The following PRUNE2 variants were observed in gnomAD, a reference collection of about 807,000 sequenced individuals.
The protein encoded by PRUNE2 is protein prune homolog 2.
PRUNE2 carries 164 observed loss-of-function variants against 252.0 expected under a neutral mutation model. That is an observed-to-expected ratio of 0.65 (90% CI 0.57 to 0.74). The LOEUF is 0.74. PRUNE2 is among the 30% of genes least tolerant of loss of function. The pLI, the probability that PRUNE2 is intolerant of heterozygous loss-of-function variation, is 0.00. For missense variants in PRUNE2, 3,495 were observed against 3,711.0 expected (o/e 0.94, Z 1.51); for synonymous variants, 1,292 against 1,350.2 (o/e 0.96, Z 0.94).
chr9:76,865,639 C>T (rs917463649), intron 1 of PRUNE2, among the ~76,000 whole-genome samples: 1 of 152,152 alleles, frequency 6.6e-6, no homozygotes, highest in Admixed American at 6.6e-5. Context: ...TAATTTTTAA[C>T]TTTCTTGTAA....
At chr9:76,879,563 C>G (rs1043266926) in intron 1 of PRUNE2, among the ~76,000 whole-genome samples, 1 of 151,422 alleles carries the variant, frequency 6.6e-6, no homozygotes, top group South Asian at 2.1e-4. Flanking sequence ...TGTAACATAT[C>G]AAATAGAGAT....
At chr9:76,756,845 G>T (rs2039879) in intron 6 of PRUNE2, among the ~76,000 whole-genome samples, 2 of 103,520 alleles carry the variant, frequency 1.9e-5, no homozygotes, top group Admixed American at 1.2e-4. Flanking sequence ...CACCCTGCCC[G>T]TGCCCTGCCC....
intron 12 of PRUNE2, chr9:76,644,523 G>C: frequency 1.5e-6 from 1 of 657,750 alleles, no homozygotes; most frequent in South Asian, 1.6e-5. Flanking sequence ...TGAAAAGCCC[G>C]TTTTATATTG....
chr9:76,621,868 T>C (rs1022201690), intron 17 of PRUNE2, among the ~76,000 whole-genome samples: 2 of 151,936 alleles, frequency 1.3e-5, no homozygotes, highest in Non-Finnish European at 2.9e-5. Context: ...TTTTTTTTTG[T>C]AGAGATGGAG....
chr9:76,820,133 TCCC>T (rs2057951213), intron 6 of PRUNE2, among the ~76,000 whole-genome samples: 1 of 152,128 alleles, frequency 6.6e-6, no homozygotes, highest in Non-Finnish European at 1.5e-5. Flanking sequence ...AGTTATCTTT[TCCC>T]ACAGTCCCCT....
At chr9:76,670,710 C>G (rs1037698864) in intron 9 of PRUNE2, among the ~76,000 whole-genome samples, 16 of 151,950 alleles carry the variant, frequency 1.1e-4, no homozygotes, top group South Asian at 4.2e-4. Flanking sequence ...GATCTGAGAA[C>G]AGGCAGACTG....
At chr9:76,823,235 T>C (rs1472649312) in intron 6 of PRUNE2, 2 of 154,722 alleles carry the variant, frequency 1.3e-5, no homozygotes, top group Non-Finnish European at 2.9e-5. Flanking sequence ...AAAAGACAAC[T>C]TGCTTTTTTT....
At chr9:76,829,708 A>T (rs1035611760) in intron 4 of PRUNE2, among the ~76,000 whole-genome samples, 2 of 152,058 alleles carry the variant, frequency 1.3e-5, no homozygotes, top group African/African-American at 4.8e-5. Context: ...TGAGGACCGA[A>T]ATCCTGATTT....
Position 76,710,568 on chromosome 9 carries a change from T to C in PRUNE2, c.1706A>G (p.Glu569Gly). 2 of 1,613,916 alleles carry C rather than the reference T, an allele frequency of 1.2e-6. No homozygotes were observed. Among genetic ancestry groups the C allele is most frequent in the Non-Finnish European group, 8.5e-7 (1 of 1,179,844 alleles). The change falls in exon 8 of 19, where the codon GAG (glutamate) becomes GGG (glycine). Residue 569 changes from glutamate (E) to glycine (G), a missense_variant. Coordinates refer to ENST00000376718, the MANE Select transcript of PRUNE2 (RefSeq NM_015225.3). ...GKDSLVEHDE[E>G]FVQRQDSPRD... ...GGGACTGTCTTGTCTCTGGACAAACTCCTCATCATGTTCCACAAGGCTATC... is the reference window on the plus strand; with the variant it reads ...GGGACTGTCTTGTCTCTGGACAAACCCCTCATCATGTTCCACAAGGCTATC...
At chr9:76,835,491 T>C (rs1297697747) in intron 4 of PRUNE2, among the ~76,000 whole-genome samples, 1 of 152,206 alleles carries the variant, frequency 6.6e-6, no homozygotes, top group Non-Finnish European at 1.5e-5. Context: ...CCTACTATTT[T>C]CATAACTTTA....
rs771672059 is a variant in PRUNE2 at position 76,707,497 on chromosome 9, C to T, written c.4777G>A (p.Val1593Ile). The stretch of plus-strand genomic sequence containing the variant: ...TCCTTCACTTTGGTAACTATTTCTA[C>T]TTGGCCATCAGTGGTAATTAGTTCA... Reference protein sequence around the residue: ...ESELITTDGQVEIVTKVKDLE... With the variant: ...ESELITTDGQIEIVTKVKDLE... The change falls in exon 8 of 19, where the codon GTA becomes ATA. Residue 1593 changes from valine to isoleucine, a missense_variant. Val to Ile is a conservative substitution (Grantham distance 29). Transcript: ENST00000376718. 5.0e-6 allele frequency: 8 copies of T among 1,613,794 alleles called. No individual in the cohort carries two copies. The highest frequency in any genetic ancestry group is 1.7e-5 in the Admixed American group (1 of 59,982).
intron 6 of PRUNE2, among the ~76,000 whole-genome samples, chr9:76,792,573 C>T (rs2055659773): frequency 6.6e-6 from 1 of 152,206 alleles, no homozygotes; most frequent in African/African-American, 2.4e-5. Context: ...CAGGATGCAA[C>T]ATTCTCATCT....
chr9:76,717,894 T>C (rs1030902985), intron 6 of PRUNE2, among the ~76,000 whole-genome samples: 1 of 152,124 alleles, frequency 6.6e-6, no homozygotes, highest in East Asian at 1.9e-4. Context: ...TTTTTAGAGG[T>C]CACGTGTCTT....
At chr9:76,849,316 T>C (rs1328151751) in intron 3 of PRUNE2, among the ~76,000 whole-genome samples, 1 of 152,186 alleles carries the variant, frequency 6.6e-6, no homozygotes, top group African/African-American at 2.4e-5. Flanking sequence ...AATCAATCCT[T>C]CTCTTGTAGT....
At chr9:76,753,205 T>A (rs2050784207) in intron 6 of PRUNE2, among the ~76,000 whole-genome samples, 1 of 151,486 alleles carries the variant, frequency 6.6e-6, no homozygotes, top group Non-Finnish European at 1.5e-5. Flanking sequence ...AATTTTTGTA[T>A]TTTTTGTGGA....
chr9:76,812,557 CAA>C (rs944550366), intron 6 of PRUNE2, among the ~76,000 whole-genome samples: 1 of 152,164 alleles, frequency 6.6e-6, no homozygotes, highest in Non-Finnish European at 1.5e-5. Flanking sequence ...CGATATCTCA[CAA>C]AGAGATATAC....
chr9:76,694,176 T>C (rs559079924), intron 9 of PRUNE2, among the ~76,000 whole-genome samples: 1 of 151,692 alleles, frequency 6.6e-6, no homozygotes, highest in Non-Finnish European at 1.5e-5. Context: ...ATTTGTTTTG[T>C]TTCGTTTTTT....
intron 15 of PRUNE2, among the ~76,000 whole-genome samples, chr9:76,635,796 C>A (rs1406428607): frequency 6.6e-6 from 1 of 152,144 alleles, no homozygotes; most frequent in Non-Finnish European, 1.5e-5. Flanking sequence ...GTTTTTAAAG[C>A]TATCTAGAAA....
At position 76,750,771 on chromosome 9, in the gene PRUNE2, G is replaced by A. The variant is rs75456553; in HGVS notation, c.757-37050C>T. ...ACATTTGCCTTGTTGAGTTTGAGGCGCTTGTATGAAAACCAAGAGAGCTGT... is the reference window on the plus strand; with the variant it reads ...ACATTTGCCTTGTTGAGTTTGAGGCACTTGTATGAAAACCAAGAGAGCTGT... On this transcript the variant is annotated intron_variant, in intron 6 of 18. Coordinates refer to ENST00000376718, the MANE Select transcript of PRUNE2 (RefSeq NM_015225.3). 6.2e-3 allele frequency among the ~76,000 whole-genome samples: 939 copies of A among 152,268 alleles called. 6 individuals are homozygous for A. Among genetic ancestry groups the A allele is most frequent in the Non-Finnish European group, 0.01 (692 of 68,026 alleles).
Sources: gnomAD v4.1 joint callset for allele counts (sites outside exome capture counted in the v4.1 genomes callset) on GRCh38, gnomAD v4.1.1 for gene constraint, MANE v1.5 for transcripts, NCBI Gene and HGNC (gene_info 2026-07-23, HGNC 2026-07-21) for gene names.